The following NAMPT variants were observed in gnomAD, a reference collection of about 807,000 sequenced individuals.
The protein encoded by NAMPT is NAmPRTase.
NAMPT carries 7 observed loss-of-function variants against 58.7 expected under a neutral mutation model. That is an observed-to-expected ratio of 0.12 (90% CI 0.07 to 0.22). NAMPT has a LOEUF of 0.22. Ranked by LOEUF, NAMPT falls within the 10% of genes least tolerant of loss-of-function variation. NAMPT has a pLI of 1.00. For synonymous variants in NAMPT, 145 were observed against 198.1 expected (o/e 0.73, Z 2.25); for missense variants, 271 against 567.9 (o/e 0.48, Z 5.31).
chr7:106,278,441 C>T (rs1261405127), intron 1 of NAMPT, among the ~76,000 whole-genome samples: 1 of 152,002 alleles, frequency 6.6e-6, no homozygotes, highest in Non-Finnish European at 1.5e-5. Flanking sequence ...TCCTTAAGTA[C>T]AACAGATAGT....
intron 1 of NAMPT, among the ~76,000 whole-genome samples, chr7:106,279,628 A>C (rs1276887418): frequency 6.6e-6 from 1 of 152,248 alleles, no homozygotes; most frequent in Non-Finnish European, 1.5e-5. Context: ...AATTCAAATC[A>C]ACTGTTATTT....
chr7:106,252,407 G>A (rs2115717672), intron 10 of NAMPT, among the ~76,000 whole-genome samples: 1 of 152,202 alleles, frequency 6.6e-6, no homozygotes, highest in East Asian at 1.9e-4. Flanking sequence ...GTTATAAGCA[G>A]TAATTGTGAT....
intron 9 of NAMPT, 21 bp from the exon 10 acceptor site, chr7:106,253,172 G>C (rs1792133341): frequency 6.2e-7 from 1 of 1,608,674 alleles, no homozygotes; most frequent in Non-Finnish European, 8.5e-7. Flanking sequence ...AATTAAGAAA[G>C]TTAGACAAGT....
rs1367396777 is a variant in NAMPT, at chr7:106,277,065, C to A, written c.172G>T (p.Val58Leu). The part of the protein sequence containing the change: ...KLRKVKYEET[V>L]FYGLQYILNK... ...AGAATGTACTGCAACCCATAAAATA[C>A]TGTTTCCTCATATTTCACCTTCCTT... Residue 58 changes from valine to leucine, a missense_variant, in exon 2 of 11, where the codon GTA (valine) becomes TTA (leucine). Around this residue, in one of 4 missense-constraint regions of NAMPT, gnomAD observed 103 missense variants for 194.2 expected, o/e 0.53. Coordinates refer to ENST00000222553, the MANE Select transcript of NAMPT (RefSeq NM_005746.3). The A allele has an allele frequency of 1.3e-6, 2 of 1,599,930 alleles. No individual in the cohort carries two copies. Among genetic ancestry groups the A allele is most frequent in the South Asian group, 2.2e-5 (2 of 90,788 alleles).
intron 8 of NAMPT, among the ~76,000 whole-genome samples, chr7:106,260,385 G>T (rs34427010): frequency 0.044 from 6,754 of 152,254 alleles, 198 homozygotes; most frequent in Non-Finnish European, 0.065. Flanking sequence ...CCTCTCTTAG[G>T]CTTCACAGAA....
intron 1 of NAMPT, among the ~76,000 whole-genome samples, chr7:106,280,222 G>A (rs1371687175): frequency 3.3e-5 from 5 of 152,132 alleles, no homozygotes; most frequent in Non-Finnish European, 7.4e-5. Flanking sequence ...GTTTTTGGAG[G>A]TAAAGGGGAA....
chr7:106,269,866 CTT>C (rs1792498975), intron 4 of NAMPT, among the ~76,000 whole-genome samples: 1 of 152,190 alleles, frequency 6.6e-6, no homozygotes, highest in South Asian at 2.1e-4. Flanking sequence ...CTAATTTTCT[CTT>C]GGATTAATAT....
chr7:106,283,154 T>C (rs1792798496), intron 1 of NAMPT, among the ~76,000 whole-genome samples: 1 of 152,170 alleles, frequency 6.6e-6, no homozygotes, highest in Admixed American at 6.5e-5. Flanking sequence ...TTCTGAAGTT[T>C]CATATTATAA....
intron 8 of NAMPT, among the ~76,000 whole-genome samples, chr7:106,259,672 C>T (rs1344075414): frequency 2.0e-5 from 3 of 152,122 alleles, no homozygotes; most frequent in Admixed American, 2.0e-4. Context: ...ATCTGCCTGT[C>T]TCGGTCTCCC....
At chr7:106,273,996 T>C (rs1792586789) in intron 3 of NAMPT, among the ~76,000 whole-genome samples, 1 of 151,822 alleles carries the variant, frequency 6.6e-6, no homozygotes, top group Admixed American at 6.6e-5. Context: ...ACAGATTCCA[T>C]TCCCAACTGA....
intron 6 of NAMPT, 98 bp downstream of exon 6, chr7:106,268,366 T>C (rs1195676306): frequency 9.5e-7 from 1 of 1,050,126 alleles, no homozygotes; most frequent in African/African-American, 1.6e-5. Context: ...GAAGATGTAC[T>C]GTAGGTACCT....
At position 106,280,109 on chromosome 7, in the gene NAMPT, C is replaced by T. The variant is rs535217672; in HGVS notation, c.58-2930G>A. Reference sequence around the variant, plus strand: ...CTGGGGTGAATATGACATGATTCACCTTTTAAAAGGATTAGCCTAGTGGTG... The same window carrying T: ...CTGGGGTGAATATGACATGATTCACTTTTTAAAAGGATTAGCCTAGTGGTG... On this transcript the variant is annotated intron_variant, in intron 1 of 10. Coordinates refer to ENST00000222553, the MANE Select transcript of NAMPT (RefSeq NM_005746.3). Among the ~76,000 whole-genome samples, 6 of 152,162 alleles carry T rather than the reference C, an allele frequency of 3.9e-5. 1 individual carries two copies. The South Asian group carries it at 1.2e-3, about 32-fold the overall frequency.
In NAMPT at chr7:106,249,429, T is replaced by C. The variant is rs1321550613; in HGVS notation, c.*1654A>G. 2 of 152,518 alleles carry C rather than the reference T, an allele frequency of 1.3e-5. No individual in the cohort carries two copies. The highest frequency in any genetic ancestry group is 2.4e-5 in the African/African-American group (1 of 41,440). 9.4% of individuals were successfully genotyped at this position (152,518 alleles called of 1,614,324 possible). ...TTTTAAAATTTCACATTTAATGTCA[T>C]GTTAAAAACTTTTCTAAATCAGTCT... On this transcript the variant is annotated 3_prime_UTR_variant, in exon 11 of 11. Transcript: ENST00000222553.
At chr7:106,252,458 T>C (rs1792120379) in intron 10 of NAMPT, among the ~76,000 whole-genome samples, 2 of 151,976 alleles carry the variant, frequency 1.3e-5, no homozygotes, top group South Asian at 4.1e-4. Context: ...AGTGCACTCA[T>C]GTTTAGTGTA....
At chr7:106,254,915 A>C (rs1792172200) in intron 8 of NAMPT, among the ~76,000 whole-genome samples, 1 of 152,208 alleles carries the variant, frequency 6.6e-6, no homozygotes, top group South Asian at 2.1e-4. Flanking sequence ...GACTGTAATC[A>C]TCACCAATAA....
chr7:106,275,041 C>T lies in NAMPT; in HGVS notation c.223G>A (p.Val75Ile). ...GCTTCCTGGATTTTCTCTTTGGTTA[C>T]TACTTTACCTAGAAGAATATACATG... is the stretch of plus-strand genomic sequence containing the variant. Reference protein sequence around the residue: ...ILNKYLKGKVVTKEKIQEAKD... With the variant: ...ILNKYLKGKVITKEKIQEAKD... Residue 75 changes from valine to isoleucine, a missense_variant, in exon 3 of 11, where the codon GTA (valine) becomes ATA (isoleucine). Val to Ile is a conservative substitution (Grantham distance 29). Coordinates refer to ENST00000222553, the MANE Select transcript of NAMPT (RefSeq NM_005746.3). 1 of 1,592,380 alleles carries T rather than the reference C, an allele frequency of 6.3e-7. No individual in the cohort carries two copies. Among genetic ancestry groups the T allele is most frequent in the Non-Finnish European group, 8.6e-7 (1 of 1,160,746 alleles).
intron 1 of NAMPT, chr7:106,284,327 C>G (rs1178625320): frequency 2.0e-5 from 3 of 151,586 alleles, no homozygotes; most frequent in Non-Finnish European, 4.4e-5. Context: ...CTTCTCCCAC[C>G]TCGCGCCCCG....
rs1378891299 is a variant in NAMPT, at chr7:106,254,422, G to T, written c.1172C>A (p.Thr391Lys). 1 of 1,613,894 alleles carries T rather than the reference G, an allele frequency of 6.2e-7. No individual in the cohort carries two copies. ...GAAGGAACAATTCAAGAGATCTCTT[G>T]TCAACTTCTGTAGCAAACCTCCACC... ...GSGGGLLQKL[T>K]RDLLNCSFKC... is the part of the protein sequence containing the mutation. Residue 391 changes from threonine (T) to lysine (K), a missense_variant, in exon 9 of 11, where the codon ACA becomes AAA. This residue lies in a region of NAMPT where 143 missense variants were observed against 331.1 expected (regional missense o/e 0.43). Coordinates refer to ENST00000222553, the MANE Select transcript of NAMPT (RefSeq NM_005746.3).
intron 1 of NAMPT, among the ~76,000 whole-genome samples, chr7:106,282,909 C>A (rs6466098): frequency 0.79 from 120,431 of 152,188 alleles, 47,874 homozygotes; most frequent in East Asian, 1. Context: ...TTACTTCTAA[C>A]CTCAAGATTA....
Sources: gnomAD v4.1 joint callset for allele counts (sites outside exome capture counted in the v4.1 genomes callset) on GRCh38, gnomAD v4.1.1 for gene constraint, gnomAD v4.1.1 regional missense constraint, MANE v1.5 for transcripts, NCBI Gene and HGNC (gene_info 2026-07-23, HGNC 2026-07-21) for gene names.